MELK: variants seen among roughly 807,000 people sequenced by gnomAD.
MELK encodes the protein pEg3 kinase.
A neutral mutation model predicts 85.0 loss-of-function variants in MELK; 81 were observed. The ratio of observed to expected loss-of-function variants is 0.95; its 90% CI spans 0.80 to 1.15. MELK has a LOEUF of 1.15. MELK is among the 50% of genes most tolerant of loss of function. MELK has a pLI of 0.00. For synonymous variants in MELK, 252 were observed against 265.0 expected (o/e 0.95, Z 0.48); for missense variants, 754 against 777.5 (o/e 0.97, Z 0.36).
chr9:36,597,128 C>A, intron 5 of MELK, 94 bp from the exon 6 acceptor site: 2 of 1,010,136 alleles, frequency 2.0e-6, no homozygotes, highest in Non-Finnish European at 3.0e-6. Context: ...TGAGCTGCCA[C>A]ACCTGGCCTT....
rs58332948 is a variant in MELK, at chr9:36,614,425, G to GTTTTT, written c.666+6766_666+6770dup. Among the ~76,000 whole-genome samples the GTTTTT allele has an allele frequency of 4.1e-3, 485 of 118,946 alleles. 5 individuals carry two copies. Among genetic ancestry groups the GTTTTT allele is most frequent in the African/African-American group, 0.017 (460 of 27,682 alleles). 78.0% of individuals were successfully genotyped at this position (118,946 alleles called of 152,430 possible). ...GTCTTTTTTAAAAAATTATTTTTGG[G>GTTTTT]TTTTTTTTTTTTTTTTTTAATTTAT... On this transcript the variant is annotated intron_variant, in intron 8 of 17. Coordinates refer to ENST00000298048, the MANE Select transcript of MELK (RefSeq NM_014791.4).
intron 8 of MELK, among the ~76,000 whole-genome samples, chr9:36,628,708 A>G (rs1828183433): frequency 6.6e-6 from 1 of 151,992 alleles, no homozygotes. Flanking sequence ...GTGAGCCACC[A>G]CATCCGGCCA....
At chr9:36,602,551 T>A (rs1201116348) in intron 7 of MELK, among the ~76,000 whole-genome samples, 3 of 142,042 alleles carry the variant, frequency 2.1e-5, no homozygotes, top group Non-Finnish European at 4.5e-5. Flanking sequence ...TCAATTAAGC[T>A]CTACAGACTT....
chr9:36,667,096 T>TA (rs757222113), intron 14 of MELK, among the ~76,000 whole-genome samples: 1 of 152,030 alleles, frequency 6.6e-6, no homozygotes, highest in Non-Finnish European at 1.5e-5. Flanking sequence ...GGCAGGGAGA[T>TA]AAAACGGACC....
chr9:36,614,582 C>A (rs1218485483), intron 8 of MELK, among the ~76,000 whole-genome samples: 1 of 120,952 alleles, frequency 8.3e-6, no homozygotes, highest in African/African-American at 3.4e-5. Flanking sequence ...GAGGACCCTG[C>A]GGCCTTCCGC....
At chr9:36,613,181 T>A (rs774482932) in intron 8 of MELK, among the ~76,000 whole-genome samples, 2 of 152,270 alleles carry the variant, frequency 1.3e-5, no homozygotes, top group Non-Finnish European at 2.9e-5. Flanking sequence ...GCATTTGTAC[T>A]TACCCTTTCA....
chr9:36,619,676 G>C (rs934338014), intron 8 of MELK, among the ~76,000 whole-genome samples: 10 of 152,206 alleles, frequency 6.6e-5, no homozygotes, highest in African/African-American at 2.4e-4. Context: ...TGTAGAGAGT[G>C]GGGGAGATGC....
At chr9:36,574,764 A>C (rs909208390) in intron 1 of MELK, among the ~76,000 whole-genome samples, 1 of 152,170 alleles carries the variant, frequency 6.6e-6, no homozygotes, top group Admixed American at 6.6e-5. Context: ...AAATGCCCCC[A>C]ATTTGTTGCT....
chr9:36,604,256 A>T (rs934145688), intron 7 of MELK, among the ~76,000 whole-genome samples: 4 of 122,770 alleles, frequency 3.3e-5, no homozygotes, highest in Non-Finnish European at 6.6e-5. Context: ...GGTGTAAGCC[A>T]CCGCGCCCGG....
intron 10 of MELK, among the ~76,000 whole-genome samples, chr9:36,637,527 G>A (rs1311579062): frequency 1.3e-5 from 2 of 152,164 alleles, no homozygotes; most frequent in Non-Finnish European, 2.9e-5. Context: ...AAAAATAGAA[G>A]TATTTTAATA....
At chr9:36,593,964 G>T (rs1208429998) in intron 4 of MELK, among the ~76,000 whole-genome samples, 1 of 152,168 alleles carries the variant, frequency 6.6e-6, no homozygotes, top group East Asian at 1.9e-4. Context: ...GAGCCACGGC[G>T]CCTGGCCAAA....
At position 36,597,208 on chromosome 9, in the gene MELK, C is replaced by G. The variant is rs970015917; in HGVS notation, c.406-14C>G. 32 of 1,604,438 alleles carry G rather than the reference C, an allele frequency of 2.0e-5. No homozygotes were observed. The highest frequency in any genetic ancestry group is 2.7e-5 in the Non-Finnish European group (32 of 1,171,350). On this transcript the variant is annotated splice_polypyrimidine_tract_variant and intron_variant, in intron 5 of 17. Coordinates refer to ENST00000298048, the MANE Select transcript of MELK (RefSeq NM_014791.4). ...AGTCAGTATACAGTTATCAAAATAT[C>G]TTTGTTTTCCCAGGAAAATTTGCTG...
rs763412821 is a variant in MELK, at chr9:36,620,421, C to G, written c.667-9878C>G. ...ACTTACTGGTCCTTGTTTCCTTCATCAGCAGCATTAGAGCATTGCAGTAAT... is the reference window on the plus strand; with the variant it reads ...ACTTACTGGTCCTTGTTTCCTTCATGAGCAGCATTAGAGCATTGCAGTAAT... On this transcript the variant is annotated intron_variant, in intron 8 of 17. Coordinates refer to ENST00000298048, the MANE Select transcript of MELK (RefSeq NM_014791.4). Among the ~76,000 whole-genome samples, 3 of 152,160 alleles carry G rather than the reference C, an allele frequency of 2.0e-5. No homozygotes were observed. The South Asian group carries it at 6.2e-4, about 32-fold the overall frequency.
intron 17 of MELK, among the ~76,000 whole-genome samples, chr9:36,676,436 TTAAATTTATACAGCTTTGCAGGA>T: frequency 6.6e-6 from 1 of 152,350 alleles, no homozygotes; most frequent in East Asian, 1.9e-4. Flanking sequence ...ATTACATGAA[TTAAATTTATACAGCTTTGCAGGA>T]TCATACGTAT....
chr9:36,639,501 T>C (rs1829545970), intron 10 of MELK, among the ~76,000 whole-genome samples: 1 of 152,188 alleles, frequency 6.6e-6, no homozygotes, highest in Non-Finnish European at 1.5e-5. Flanking sequence ...CAAATAGAAA[T>C]TATAGTCAGT....
intron 4 of MELK, among the ~76,000 whole-genome samples, chr9:36,589,920 G>GTTTTTTTT (rs566073692): frequency 1.6e-5 from 2 of 125,812 alleles, no homozygotes; most frequent in Non-Finnish European, 3.3e-5. Flanking sequence ...ACTCATTCTA[G>GTTTTTTTT]TTTTTTTTTT....
chr9:36,660,601 C>T (rs1049769242), intron 13 of MELK, among the ~76,000 whole-genome samples: 2 of 150,662 alleles, frequency 1.3e-5, no homozygotes, highest in Middle Eastern at 3.2e-3. Flanking sequence ...GGATTACAGG[C>T]GTGAGCCACT....
rs1822250320 is a variant in MELK at position 36,581,665 on chromosome 9, A to G, written c.-17A>G. 1 of 1,551,822 alleles carries G rather than the reference A, an allele frequency of 6.4e-7. No individual in the cohort carries two copies. Among genetic ancestry groups the G allele is most frequent in the Non-Finnish European group, 8.9e-7 (1 of 1,126,220 alleles). ...CTAGGTTCTTTTTCTAATTCCAAAT[A>G]AACTTGCAAGAGGACTATGAAAGAT... On this transcript the variant is annotated 5_prime_UTR_variant, in exon 2 of 18. In the 5' UTR this introduces an upstream ATG that the reference lacks. Coordinates refer to ENST00000298048, the MANE Select transcript of MELK (RefSeq NM_014791.4).
chr9:36,650,992 G>A (rs1830650822), intron 11 of MELK, among the ~76,000 whole-genome samples: 1 of 152,172 alleles, frequency 6.6e-6, no homozygotes, highest in Admixed American at 6.5e-5. Context: ...TAAAAAAATG[G>A]AAATGCAAGA....
Sources: allele counts gnomAD v4.1 joint callset (sites outside exome capture counted in the v4.1 genomes callset), GRCh38; gene constraint gnomAD v4.1.1; transcripts MANE v1.5; gene names NCBI Gene and HGNC (gene_info 2026-07-23, HGNC 2026-07-21).